Variants in TSPAN18 observed in about 807,000 individuals in gnomAD.
TSPAN18 encodes the protein tetraspanin-18.
In TSPAN18, 14 loss-of-function variants were observed where a neutral mutation model predicts 27.3. The observed-to-expected ratio is 0.51, with a 90% CI of 0.34 to 0.80. The LOEUF (loss-of-function observed/expected upper bound fraction) is 0.80, where lower values mean the gene tolerates loss of function less well. Among genes scored for constraint, TSPAN18 ranks in the 30% least tolerant of loss-of-function variants. The probability of loss-of-function intolerance (pLI) is 0.01; values close to 1 mark genes in which losing one functional copy is unlikely to be tolerated. For synonymous variants in TSPAN18, 143 were observed against 136.5 expected (o/e 1.05, Z -0.33); for missense variants, 268 against 323.9 (o/e 0.83, Z 1.32).
At chr11:44,897,825 C>T (rs1391201531) in intron 3 of TSPAN18, 1 of 1,289,398 alleles carries the variant, frequency 7.8e-7, no homozygotes, top group East Asian at 5.5e-5. Context: ...GAAGAACTGC[C>T]CAGGTGACAC....
chr11:44,906,255 G>A (rs1859447205), intron 3 of TSPAN18, among the ~76,000 whole-genome samples, 152 bp from the exon 4 acceptor site: 1 of 152,230 alleles, frequency 6.6e-6, no homozygotes, highest in Non-Finnish European at 1.5e-5. Context: ...CAGGCAGGCT[G>A]GCTCCAGCAT....
intron 2 of TSPAN18, among the ~76,000 whole-genome samples, chr11:44,834,144 C>CT (rs565068638): frequency 6.0e-5 from 9 of 151,168 alleles, no homozygotes; most frequent in African/African-American, 1.5e-4. Context: ...TTTTAGGATT[C>CT]TTTTTTTTTC....
rs186883987 is a variant in TSPAN18 at position 44,914,316 on chromosome 11, C to T, written c.259-3656C>T. Among the ~76,000 whole-genome samples the T allele has an allele frequency of 1.9e-3, 292 of 152,274 alleles. 2 individuals carry two copies. Among genetic ancestry groups the T allele is most frequent in the African/African-American group, 6.5e-3 (269 of 41,546 alleles). ...CATGGACTTTGGAGTCAGAAAAGCC[C>T]GGGCTCTAACTCCTGCTCTGTCATT... On this transcript the variant is annotated intron_variant, in intron 5 of 9. Coordinates refer to ENST00000520358, the MANE Select transcript of TSPAN18 (RefSeq NM_130783.5).
intron 2 of TSPAN18, among the ~76,000 whole-genome samples, chr11:44,851,915 C>T (rs835804): frequency 0.52 from 79,263 of 151,926 alleles, 22,036 homozygotes; most frequent in Non-Finnish European, 0.61. Context: ...GTTCAGAACA[C>T]TCCCCAGCCT....
Position 44,930,599 on chromosome 11 carries a change from C to T in TSPAN18, c.*1421C>T. On this transcript the variant is annotated 3_prime_UTR_variant, in exon 10 of 10. Coordinates refer to ENST00000520358, the MANE Select transcript of TSPAN18 (RefSeq NM_130783.5). ...GGCAGGGAGACTCGCAGATGCACAC[C>T]CACAAGTATTCAGTTCTCAAACTCT... 1 of 313,858 alleles carries T rather than the reference C, an allele frequency of 3.2e-6. No individual in the cohort carries two copies. Among genetic ancestry groups the T allele is most frequent in the Non-Finnish European group, 6.4e-6 (1 of 157,268 alleles). 19.4% of individuals were successfully genotyped at this position (313,858 alleles called of 1,614,324 possible).
intron 4 of TSPAN18, among the ~76,000 whole-genome samples, chr11:44,908,775 G>GGAA (rs1859569767): frequency 1.1e-5 from 1 of 94,626 alleles, no homozygotes; most frequent in South Asian, 4.2e-4. Flanking sequence ...AAAGGAGAAA[G>GGAA]AAAGAAAGAA....
At chr11:44,917,085 C>A (rs2135359180) in intron 5 of TSPAN18, among the ~76,000 whole-genome samples, 1 of 152,304 alleles carries the variant, frequency 6.6e-6, no homozygotes, top group African/African-American at 2.4e-5. Flanking sequence ...CCCAGGCATC[C>A]AAGCAGGCAG....
At chr11:44,736,369 C>T (rs1019709503) in intron 1 of TSPAN18, 3 of 152,144 alleles carry the variant, frequency 2.0e-5, no homozygotes, top group South Asian at 2.1e-4. Context: ...TTGAGTTGAC[C>T]GAATGAAAGG....
intron 3 of TSPAN18, among the ~76,000 whole-genome samples, chr11:44,899,320 G>A (rs1859173865): frequency 6.6e-6 from 1 of 152,228 alleles, no homozygotes; most frequent in African/African-American, 2.4e-5. Flanking sequence ...CCCACCTGGG[G>A]GTAGTCTAAT....
intron 2 of TSPAN18, among the ~76,000 whole-genome samples, chr11:44,802,688 AGGTGGTAAAGGCTGTG>A (rs1199816678): frequency 6.6e-6 from 1 of 151,564 alleles, no homozygotes; most frequent in East Asian, 1.9e-4. Flanking sequence ...CTGGGGCTGC[AGGTGGTAAAGGCTGTG>A]GGTGGGGACT....
intron 3 of TSPAN18, among the ~76,000 whole-genome samples, chr11:44,876,227 C>T (rs574948391): frequency 4.6e-5 from 7 of 152,284 alleles, no homozygotes; most frequent in Admixed American, 2.6e-4. Flanking sequence ...TGGCTCATTC[C>T]CCAGATGAAC....
chr11:44,900,442 G>A lies in TSPAN18; in HGVS notation c.-10-5965G>A, dbSNP rs185583142. 3.5e-3 allele frequency among the ~76,000 whole-genome samples: 526 copies of A among 152,280 alleles called. 7 individuals are homozygous for A. The highest frequency in any genetic ancestry group is 0.012 in the African/African-American group (516 of 41,548). ...AAGACAGGCGTGGGTTCAAATTCTGGCTCAGGCACTTCTGTACTGTGTGAC... is the reference window on the plus strand; with the variant it reads ...AAGACAGGCGTGGGTTCAAATTCTGACTCAGGCACTTCTGTACTGTGTGAC... On this transcript the variant is annotated intron_variant, in intron 3 of 9. Coordinates refer to ENST00000520358, the MANE Select transcript of TSPAN18 (RefSeq NM_130783.5).
At chr11:44,864,027 G>A (rs997433077) in intron 3 of TSPAN18, among the ~76,000 whole-genome samples, 5 of 152,010 alleles carry the variant, frequency 3.3e-5, no homozygotes, top group African/African-American at 7.2e-5. Flanking sequence ...GGTGGTTCAT[G>A]CCTATAATCC....
intron 2 of TSPAN18, among the ~76,000 whole-genome samples, chr11:44,860,079 G>A (rs559907359): frequency 6.6e-6 from 1 of 152,306 alleles, no homozygotes; most frequent in South Asian, 2.1e-4. Context: ...CAGGGGTTAT[G>A]ACGCTTATGT....
intron 2 of TSPAN18, among the ~76,000 whole-genome samples, chr11:44,824,896 G>C (rs116230589): frequency 6.6e-6 from 1 of 152,184 alleles, no homozygotes; most frequent in Non-Finnish European, 1.5e-5. Flanking sequence ...CCAGCCAAAG[G>C]CTTCGCTTGG....
intron 2 of TSPAN18, among the ~76,000 whole-genome samples, chr11:44,847,416 G>C (rs7119021): frequency 6.6e-6 from 1 of 152,192 alleles, no homozygotes; most frequent in African/African-American, 2.4e-5. Flanking sequence ...ATCTTAAAGT[G>C]TGCAATTCAC....
At chr11:44,845,813 T>C (rs1282716188) in intron 2 of TSPAN18, among the ~76,000 whole-genome samples, 1 of 152,198 alleles carries the variant, frequency 6.6e-6, no homozygotes, top group African/African-American at 2.4e-5. Context: ...ACAGTTGACA[T>C]GGAAGTGGGT....
chr11:44,921,728 A>G (rs1445291734), intron 8 of TSPAN18, among the ~76,000 whole-genome samples: 2 of 152,208 alleles, frequency 1.3e-5, no homozygotes, highest in East Asian at 3.8e-4. Context: ...TAACTTGGTG[A>G]AGGAGCTGTT....
intron 3 of TSPAN18, among the ~76,000 whole-genome samples, chr11:44,901,830 C>T (rs544986266): frequency 7.3e-4 from 111 of 152,284 alleles, no homozygotes; most frequent in African/African-American, 2.4e-3. Flanking sequence ...TGATACTGGC[C>T]AGGTTACTTG....
Sources: allele counts gnomAD v4.1 joint callset (sites outside exome capture counted in the v4.1 genomes callset), GRCh38; gene constraint gnomAD v4.1.1; transcripts MANE v1.5; gene names NCBI Gene and HGNC (gene_info 2026-07-23, HGNC 2026-07-21).